NREP: variants seen among roughly 807,000 people sequenced by gnomAD.
NREP encodes the protein neuronal regeneration related protein.
NREP carries 5 observed loss-of-function variants against 8.6 expected under a neutral mutation model. That is an observed-to-expected ratio of 0.58 (90% CI 0.30 to 1.22). The LOEUF is 1.22. Ranked by LOEUF, NREP falls within the 50% of genes most tolerant of loss-of-function variation. The probability of loss-of-function intolerance (pLI) is 0.07; values close to 1 mark genes in which losing one functional copy is unlikely to be tolerated. For synonymous variants in NREP, 27 were observed against 28.0 expected (o/e 0.96, Z 0.11); for missense variants, 86 against 82.5 (o/e 1.04, Z -0.17).
intron 2 of NREP, among the ~76,000 whole-genome samples, chr5:111,955,595 G>T (rs562083143): frequency 6.6e-6 from 1 of 152,016 alleles, no homozygotes; most frequent in Non-Finnish European, 1.5e-5. Context: ...GTCTGTGTAA[G>T]GGGAACTTCG....
intron 2 of NREP, among the ~76,000 whole-genome samples, chr5:111,839,782 T>C (rs1417191785): frequency 1.3e-5 from 2 of 152,146 alleles, no homozygotes; most frequent in African/African-American, 4.8e-5. Flanking sequence ...TAGTGTTGGA[T>C]AAATTATATG....
chr5:111,858,737 A>G (rs1753480478), intron 2 of NREP, among the ~76,000 whole-genome samples: 1 of 152,182 alleles, frequency 6.6e-6, no homozygotes, highest in South Asian at 2.1e-4. Context: ...GTCTAAGACT[A>G]AATATCTTAC....
At chr5:111,762,889 T>C (rs1485462946) in intron 2 of NREP, among the ~76,000 whole-genome samples, 1 of 152,200 alleles carries the variant, frequency 6.6e-6, no homozygotes. Flanking sequence ...TATTCTACAA[T>C]GCAAAGTCTG....
At chr5:111,806,260 A>C (rs1752138702) in intron 2 of NREP, among the ~76,000 whole-genome samples, 1 of 152,116 alleles carries the variant, frequency 6.6e-6, no homozygotes, top group African/African-American at 2.4e-5. Flanking sequence ...ACACCCAACT[A>C]TCCCTATGAA....
intron 2 of NREP, among the ~76,000 whole-genome samples, chr5:111,886,207 A>C (rs1754242652): frequency 2.0e-5 from 3 of 152,246 alleles, no homozygotes; most frequent in Admixed American, 2.0e-4. Flanking sequence ...TGCAGCCAAA[A>C]ACCACATGAA....
chr5:111,970,345 G>T (rs1228835599), intron 2 of NREP, among the ~76,000 whole-genome samples: 1 of 152,032 alleles, frequency 6.6e-6, no homozygotes, highest in Admixed American at 6.6e-5. Context: ...GAGTGTTTTT[G>T]CTCTTCAACA....
At chr5:111,843,664 G>T (rs1451773818) in intron 2 of NREP, among the ~76,000 whole-genome samples, 1 of 152,140 alleles carries the variant, frequency 6.6e-6, no homozygotes, top group Admixed American at 6.6e-5. Flanking sequence ...AGCATTTGAA[G>T]AGGTAGGCAC....
At chr5:111,975,157 C>A (rs1028903059) in intron 2 of NREP, 2 of 691,258 alleles carry the variant, frequency 2.9e-6, no homozygotes, top group South Asian at 3.7e-5. Flanking sequence ...AAGGCTTTCA[C>A]GGGGCAATGG....
chr5:111,752,447 G>T (rs190853569), intron 2 of NREP, among the ~76,000 whole-genome samples: 12 of 152,296 alleles, frequency 7.9e-5, no homozygotes, highest in Admixed American at 2.6e-4. Flanking sequence ...CCACAATCAA[G>T]AGTCACTGAG....
At position 111,941,040 on chromosome 5, in the gene NREP, G is replaced by C. The variant is rs570613893; in HGVS notation, c.135+34234C>G. ...TTTTTTGGGGTAGGGAGCAAACCCT[G>C]ATTCTTGCTTTAAGGTTGTTGCTGG... On this transcript the variant is annotated intron_variant, in intron 2 of 3. Coordinates refer to the NREP transcript ENST00000395634. 1.3e-4 allele frequency among the ~76,000 whole-genome samples: 20 copies of C among 152,156 alleles called. No homozygotes were observed. In the South Asian group the frequency reaches 3.9e-3, roughly 30 times the overall value.
chr5:111,868,678 C>T (rs770159662), intron 2 of NREP, among the ~76,000 whole-genome samples: 4 of 152,182 alleles, frequency 2.6e-5, no homozygotes, highest in Non-Finnish European at 5.9e-5. Flanking sequence ...ATTTTCATCA[C>T]CTGTCAGCTG....
intron 2 of NREP, among the ~76,000 whole-genome samples, chr5:111,890,773 T>A (rs1227226039): frequency 1.3e-5 from 2 of 152,292 alleles, no homozygotes; most frequent in South Asian, 2.1e-4. Context: ...GAGCAGTGTC[T>A]CAGACTGGGT....
At chr5:111,881,489 A>C (rs374106114) in intron 2 of NREP, among the ~76,000 whole-genome samples, 25 of 152,250 alleles carry the variant, frequency 1.6e-4, no homozygotes, top group East Asian at 3.9e-4. Flanking sequence ...GTTCTCCCAG[A>C]ACGCAGCTGG....
intron 2 of NREP, among the ~76,000 whole-genome samples, chr5:111,817,811 A>T (rs1752428308): frequency 1.3e-5 from 2 of 151,370 alleles, no homozygotes; most frequent in South Asian, 4.2e-4. Flanking sequence ...TCTCAAAAAA[A>T]AAAAAAAAAA....
At chr5:111,968,777 G>A (rs1011864495) in intron 2 of NREP, among the ~76,000 whole-genome samples, 1 of 152,146 alleles carries the variant, frequency 6.6e-6, no homozygotes, top group African/African-American at 2.4e-5. Context: ...CATCTGGGCA[G>A]TACTACATAT....
At chr5:111,911,113 G>C (rs774221871) in intron 2 of NREP, among the ~76,000 whole-genome samples, 46 of 151,806 alleles carry the variant, frequency 3.0e-4, no homozygotes, top group Non-Finnish European at 5.4e-4. Context: ...CCAGTGTTTT[G>C]GATATCACCT....
chr5:111,966,301 T>C (rs544820124), intron 2 of NREP, among the ~76,000 whole-genome samples: 1 of 152,338 alleles, frequency 6.6e-6, no homozygotes, highest in Non-Finnish European at 1.5e-5. Flanking sequence ...GGAGAATATC[T>C]ATTGATTAAA....
At chr5:111,772,326 T>C (rs959352238) in intron 2 of NREP, among the ~76,000 whole-genome samples, 1 of 152,218 alleles carries the variant, frequency 6.6e-6, no homozygotes, top group African/African-American at 2.4e-5. Context: ...TTGTTTGTTT[T>C]AAACTCTTCA....
rs550683475 is a variant in NREP, at chr5:111,884,592, C to T, written c.135+90682G>A. On this transcript the variant is annotated intron_variant, in intron 2 of 3. Transcript: ENST00000395634. ...AATCCTCAATAAAATACTGGCAAAC[C>T]GAATCCAGCAGCACATCAAAAAGCT... 2.1e-3 allele frequency among the ~76,000 whole-genome samples: 314 copies of T among 146,288 alleles called. 1 individual carries two copies. The highest frequency in any genetic ancestry group is 7.3e-3 in the African/African-American group (298 of 41,028).
Sources: gnomAD v4.1 joint callset for allele counts (sites outside exome capture counted in the v4.1 genomes callset) on GRCh38, gnomAD v4.1.1 for gene constraint, MANE v1.5 for transcripts, NCBI Gene and HGNC (gene_info 2026-07-23, HGNC 2026-07-21) for gene names.